The following SPECC1 variants were observed in gnomAD, a reference collection of about 807,000 sequenced individuals.
SPECC1 encodes sperm antigen with calponin homology and coiled-coil domains 1.
In SPECC1, 62 loss-of-function variants were observed where a neutral mutation model predicts 104.1. The observed-to-expected ratio is 0.60, with a 90% CI of 0.49 to 0.74. SPECC1 has a LOEUF of 0.74. SPECC1 is among the 30% of genes least tolerant of loss of function. The pLI, the probability that SPECC1 is intolerant of heterozygous loss-of-function variation, is 0.00. For missense variants in SPECC1, 1,306 were observed against 1,310.5 expected, an observed-to-expected ratio of 1.00 and a Z score of 0.05; for synonymous variants, 513 against 501.6, an observed-to-expected ratio of 1.02 and a Z score of -0.30.
chr17:20,241,272 C>T (rs1009799777), intron 7 of SPECC1, among the ~76,000 whole-genome samples: 6 of 152,120 alleles, frequency 3.9e-5, no homozygotes, highest in African/African-American at 1.4e-4. Context: ...TTTGCGTGCC[C>T]CTCATCCATT....
intron 3 of SPECC1, among the ~76,000 whole-genome samples, chr17:20,198,638 G>C (rs920719608): frequency 8.5e-5 from 13 of 152,222 alleles, no homozygotes; most frequent in Admixed American, 3.3e-4. Context: ...CCTTTACTGA[G>C]ACGGGCCTCT....
At chr17:20,133,893 A>C (rs561053189) in intron 3 of SPECC1, among the ~76,000 whole-genome samples, 44 of 152,260 alleles carry the variant, frequency 2.9e-4, no homozygotes, top group African/African-American at 9.9e-4. Flanking sequence ...AAACCCTCAC[A>C]GCGTTCAGAC....
In SPECC1 at chr17:20,103,797, A is replaced by C. The variant is rs547238340; in HGVS notation, c.148-6630A>C. Reference sequence around the variant, plus strand: ...TGAAATCTGGACTTTATCTCACTGCAGGATTCACTGAAAGGCTGTTGGATG... The same window carrying C: ...TGAAATCTGGACTTTATCTCACTGCCGGATTCACTGAAAGGCTGTTGGATG... On this transcript the variant is annotated intron_variant, in intron 2 of 14. Coordinates refer to ENST00000395527, the MANE Select transcript of SPECC1 (RefSeq NM_001243439.2). Among the ~76,000 whole-genome samples the C allele has an allele frequency of 2.8e-4, 42 of 152,302 alleles. No individual in the cohort carries two copies. In the South Asian group the frequency reaches 8.5e-3, roughly 31 times the overall value.
intron 3 of SPECC1, among the ~76,000 whole-genome samples, chr17:20,123,229 C>G (rs2049124296): frequency 6.6e-6 from 1 of 152,190 alleles, no homozygotes. Flanking sequence ...TTAGATGTTT[C>G]TTTATATAGC....
intron 1 of SPECC1, among the ~76,000 whole-genome samples, chr17:20,093,403 A>T (rs2047490947): frequency 6.6e-6 from 1 of 152,200 alleles, no homozygotes; most frequent in Non-Finnish European, 1.5e-5. Flanking sequence ...TTCAGATCAT[A>T]GCAGGAGGTG....
chr17:20,278,527 G>A (rs994065269), intron 12 of SPECC1, among the ~76,000 whole-genome samples: 4 of 152,144 alleles, frequency 2.6e-5, no homozygotes, highest in African/African-American at 9.7e-5. Flanking sequence ...AACTAATAAG[G>A]TGAGCTTATT....
chr17:20,110,675 C>A, intron 3 of SPECC1, 113 bp downstream of exon 3: 1 of 1,278,704 alleles, frequency 7.8e-7, no homozygotes, highest in Non-Finnish European at 1.0e-6. Flanking sequence ...TTCTTGACCA[C>A]TTACCCTGGG....
chr17:20,305,707 C>T (rs1295433297), intron 13 of SPECC1: 1 of 262,298 alleles, frequency 3.8e-6, no homozygotes, highest in Non-Finnish European at 7.3e-6. Context: ...GATATAGCAT[C>T]ATGATTAAGC....
chr17:20,056,584 A>C, intron 1 of SPECC1: 1 of 208,558 alleles, frequency 4.8e-6, no homozygotes, highest in Non-Finnish European at 1.0e-5. Flanking sequence ...CCTCCCAATA[A>C]ATAGAGTAAG....
intron 12 of SPECC1, among the ~76,000 whole-genome samples, chr17:20,283,355 T>A (rs995453808): frequency 6.6e-6 from 1 of 152,206 alleles, no homozygotes; most frequent in African/African-American, 2.4e-5. Flanking sequence ...CTTCAGGCAT[T>A]CTGATTGTCT....
chr17:20,081,989 G>A (rs1416643360), intron 1 of SPECC1, among the ~76,000 whole-genome samples: 5 of 152,160 alleles, frequency 3.3e-5, no homozygotes, highest in Non-Finnish European at 7.4e-5. Context: ...AGATGATACT[G>A]AGTTGTTACC....
chr17:20,181,829 G>A (rs1035967478), intron 3 of SPECC1, among the ~76,000 whole-genome samples: 1 of 151,948 alleles, frequency 6.6e-6, no homozygotes, highest in Non-Finnish European at 1.5e-5. Context: ...AGGACATAAA[G>A]TGAATAAATA....
At position 20,316,691 on chromosome 17, in the gene SPECC1, T is replaced by G; in HGVS notation, c.*2626T>G. On this transcript the variant is annotated 3_prime_UTR_variant, in exon 15 of 15. Transcript: ENST00000395527. ...GGCTGTTTTTTTGTGTTTTTTTTGTTGTTGTTTGTTTGTTTTTTTTTTTGA... is the reference window on the plus strand; with the variant it reads ...GGCTGTTTTTTTGTGTTTTTTTTGTGGTTGTTTGTTTGTTTTTTTTTTTGA... 1 of 141,826 alleles carries G rather than the reference T, an allele frequency of 7.1e-6. No individual in the cohort carries two copies. The allele number at this position is 141,826 out of a possible 1,614,324, so 8.8% of individuals were successfully genotyped here. A position where few individuals can be genotyped will look rare whatever the true frequency, so the allele number is the denominator to read the frequency against.
chr17:20,177,847 C>A (rs2034581336), intron 3 of SPECC1, among the ~76,000 whole-genome samples: 1 of 151,900 alleles, frequency 6.6e-6, no homozygotes, highest in Non-Finnish European at 1.5e-5. Context: ...GTAGCTGGGC[C>A]CACAGGCATG....
intron 1 of SPECC1, among the ~76,000 whole-genome samples, chr17:20,047,049 T>C (rs1032495214): frequency 6.6e-6 from 1 of 152,166 alleles, no homozygotes. Flanking sequence ...ACCAGACTGA[T>C]TTGAAGCTAT....
Position 20,232,199 on chromosome 17 carries a change from G to C in SPECC1, c.2146-1G>C. 2 of 1,613,904 alleles carry C rather than the reference G, an allele frequency of 1.2e-6. No individual in the cohort carries two copies. Among genetic ancestry groups the C allele is most frequent in the Non-Finnish European group, 1.7e-6 (2 of 1,180,028 alleles). ...ATAAGGATGGGCTCTGACATTTTCA[G>C]GAGGAGACCGAGGAATGGAGGCGGT... is the stretch of plus-strand genomic sequence containing the variant. On this transcript the variant is annotated splice_acceptor_variant, in intron 6 of 14. Coordinates refer to ENST00000395527, the MANE Select transcript of SPECC1 (RefSeq NM_001243439.2). LOFTEE classifies it high-confidence loss of function.
At chr17:20,089,044 T>A (rs1217446836) in intron 1 of SPECC1, among the ~76,000 whole-genome samples, 2 of 152,192 alleles carry the variant, frequency 1.3e-5, no homozygotes, top group African/African-American at 4.8e-5. Flanking sequence ...GTTTGCCTTG[T>A]TTATAAATTA....
intron 12 of SPECC1, among the ~76,000 whole-genome samples, chr17:20,286,823 A>G (rs1234869396): frequency 1.3e-5 from 2 of 152,294 alleles, no homozygotes; most frequent in East Asian, 3.9e-4. Context: ...ATGCTTTTCC[A>G]GTCCAGGAAA....
Position 20,016,497 on chromosome 17 carries a change from G to A in SPECC1, c.-22+7073G>A, listed in dbSNP as rs142947969. Among the ~76,000 whole-genome samples the A allele has an allele frequency of 6.6e-3, 1,000 of 152,236 alleles. 6 individuals carry two copies. The highest frequency in any genetic ancestry group is 8.1e-3 in the Non-Finnish European group (552 of 67,984). Reference sequence around the variant, plus strand: ...GCGCGGGCGGGAACCGGGGCTGTACGCGGTGCTTGCGGGCCAGCGTGAGTT... The same window carrying A: ...GCGCGGGCGGGAACCGGGGCTGTACACGGTGCTTGCGGGCCAGCGTGAGTT... On this transcript the variant is annotated intron_variant, in intron 1 of 14. Transcript: ENST00000395527.
Sources: allele counts gnomAD v4.1 joint callset (sites outside exome capture counted in the v4.1 genomes callset), GRCh38; gene constraint gnomAD v4.1.1; transcripts MANE v1.5; gene names NCBI Gene and HGNC (gene_info 2026-07-23, HGNC 2026-07-21).